PTPN13: variants seen among roughly 807,000 people sequenced by gnomAD.
The protein encoded by PTPN13 is tyrosine-protein phosphatase non-receptor type 13.
In PTPN13, 191 loss-of-function variants were observed where a neutral mutation model predicts 284.0. The observed-to-expected ratio is 0.67, with a 90% CI of 0.60 to 0.76. The LOEUF is 0.76. Ranked by LOEUF, PTPN13 falls within the 30% of genes least tolerant of loss-of-function variation. PTPN13 has a pLI of 0.00. For synonymous variants in PTPN13, 986 were observed against 1,022.3 expected (o/e 0.96, Z 0.68); for missense variants, 2,797 against 2,939.9 (o/e 0.95, Z 1.12).
chr4:86,753,854 A>C (rs1737684706), intron 20 of PTPN13, among the ~76,000 whole-genome samples: 1 of 152,132 alleles, frequency 6.6e-6, no homozygotes, highest in Admixed American at 6.5e-5. Flanking sequence ...TGAAATAATT[A>C]AAAGCCTGAT....
At chr4:86,759,763 A>G (rs1357877733) in intron 23 of PTPN13, among the ~76,000 whole-genome samples, 1 of 152,248 alleles carries the variant, frequency 6.6e-6, no homozygotes, top group Admixed American at 6.5e-5. Context: ...AATGGTGACT[A>G]TAAACATGCT....
chr4:86,743,902 A>G (rs929709099), intron 16 of PTPN13, among the ~76,000 whole-genome samples: 1 of 152,200 alleles, frequency 6.6e-6, no homozygotes, highest in Non-Finnish European at 1.5e-5. Context: ...GAGCTAGAGT[A>G]CAGTCTAACT....
At chr4:86,800,170 C>A (rs1743854007) in intron 42 of PTPN13, among the ~76,000 whole-genome samples, 1 of 152,026 alleles carries the variant, frequency 6.6e-6, no homozygotes, top group African/African-American at 2.4e-5. Context: ...ATCCCAACCT[C>A]ATCTTTTATG....
intron 6 of PTPN13, among the ~76,000 whole-genome samples, chr4:86,698,191 T>C (rs1231866751): frequency 1.3e-5 from 2 of 152,124 alleles, no homozygotes; most frequent in Non-Finnish European, 2.9e-5. Flanking sequence ...CATCATTTAC[T>C]GTTGGATTTG....
At chr4:86,766,864 T>C (rs867511536) in intron 27 of PTPN13, among the ~76,000 whole-genome samples, 5 of 152,220 alleles carry the variant, frequency 3.3e-5, no homozygotes, top group Non-Finnish European at 7.3e-5. Context: ...ATTTATTTTG[T>C]TGAAGTACAT....
intron 2 of PTPN13, among the ~76,000 whole-genome samples, chr4:86,648,244 CTT>C (rs913352357): frequency 1.3e-5 from 2 of 152,080 alleles, no homozygotes; most frequent in African/African-American, 2.4e-5. Flanking sequence ...AAATTCTACT[CTT>C]TTAGTTATTC....
At chr4:86,808,251 T>G (rs1239356964) in intron 45 of PTPN13, among the ~76,000 whole-genome samples, 2 of 152,246 alleles carry the variant, frequency 1.3e-5, no homozygotes, top group Non-Finnish European at 2.9e-5. Context: ...TCATTGAAAC[T>G]ACTTTTAAAA....
chr4:86,715,303 C>T (rs1732893252), intron 7 of PTPN13, among the ~76,000 whole-genome samples: 1 of 151,944 alleles, frequency 6.6e-6, no homozygotes, highest in African/African-American at 2.4e-5. Flanking sequence ...TGTTCCCACT[C>T]CTCAAAACTT....
At chr4:86,670,853 T>C (rs1482882590) in intron 2 of PTPN13, among the ~76,000 whole-genome samples, 1 of 152,196 alleles carries the variant, frequency 6.6e-6, no homozygotes, top group Non-Finnish European at 1.5e-5. Context: ...AAAACTTGTA[T>C]AGTGACTGTA....
At chr4:86,650,852 A>G (rs34457443) in intron 2 of PTPN13, among the ~76,000 whole-genome samples, 4,519 of 152,320 alleles carry the variant, frequency 0.03, 96 homozygotes, top group Non-Finnish European at 0.043. Flanking sequence ...ATACAAGATC[A>G]TATCATTTGC....
intron 33 of PTPN13, 62 bp from the exon 34 acceptor site, chr4:86,775,109 G>T: frequency 8.1e-7 from 1 of 1,236,076 alleles, no homozygotes; most frequent in Non-Finnish European, 1.1e-6. Flanking sequence ...TATTTTCTTG[G>T]CAATTTAGCT....
chr4:86,614,418 AAG>A (rs1266556523), intron 1 of PTPN13, among the ~76,000 whole-genome samples: 1 of 152,204 alleles, frequency 6.6e-6, no homozygotes, highest in African/African-American at 2.4e-5. Flanking sequence ...ATTCTTCAAA[AAG>A]GATAATCTTT....
intron 2 of PTPN13, among the ~76,000 whole-genome samples, chr4:86,652,657 T>C (rs1725228818): frequency 6.6e-6 from 1 of 152,208 alleles, no homozygotes. Flanking sequence ...ATATGTTATT[T>C]GTATATTTTC....
chr4:86,744,502 A>G (rs952813828), intron 16 of PTPN13, among the ~76,000 whole-genome samples: 1 of 152,166 alleles, frequency 6.6e-6, no homozygotes, highest in Non-Finnish European at 1.5e-5. Flanking sequence ...ATGTTAATTT[A>G]TTTCTTGCAT....
In PTPN13 at chr4:86,743,662, A is replaced by G; in HGVS notation, c.2488-1304A>G. ...AACAATATCTAGCTAGAATTTAACA[A>G]TGTTGTTATATTTCTAAAATTTCTT... On this transcript the variant is annotated intron_variant, in intron 16 of 47. Coordinates refer to ENST00000411767, the MANE Select transcript of PTPN13 (RefSeq NM_080683.3). Among the ~76,000 whole-genome samples, 2 of 152,176 alleles carry G rather than the reference A, an allele frequency of 1.3e-5. 1 individual carries two copies. The highest frequency in any genetic ancestry group is 2.9e-5 in the Non-Finnish European group (2 of 68,022).
chr4:86,791,395 C>G (rs1280593576), intron 40 of PTPN13, among the ~76,000 whole-genome samples: 4 of 152,224 alleles, frequency 2.6e-5, no homozygotes, highest in Non-Finnish European at 2.9e-5. Flanking sequence ...GGCCTACTGC[C>G]TCTCTAGATT....
chr4:86,801,015 T>G (rs918769672), intron 42 of PTPN13, among the ~76,000 whole-genome samples: 1 of 152,242 alleles, frequency 6.6e-6, no homozygotes, highest in Non-Finnish European at 1.5e-5. Context: ...CTTAGCTGCA[T>G]CATCAAAATG....
chr4:86,759,846 G>A (rs1738459582), intron 23 of PTPN13, among the ~76,000 whole-genome samples: 3 of 152,122 alleles, frequency 2.0e-5, no homozygotes, highest in Admixed American at 2.0e-4. Flanking sequence ...TACATATGAA[G>A]CATTTAAATG....
At chr4:86,610,809 A>C (rs1468160988) in intron 1 of PTPN13, among the ~76,000 whole-genome samples, 1 of 152,214 alleles carries the variant, frequency 6.6e-6, no homozygotes, top group Non-Finnish European at 1.5e-5. Flanking sequence ...AGATTATCTT[A>C]ACAGCCTTAC....
Sources: allele counts gnomAD v4.1 joint callset (sites outside exome capture counted in the v4.1 genomes callset), GRCh38; gene constraint gnomAD v4.1.1; transcripts MANE v1.5; gene names NCBI Gene and HGNC (gene_info 2026-07-23, HGNC 2026-07-21).